UBN2: variants seen among roughly 807,000 people sequenced by gnomAD.
The protein encoded by UBN2 is ubinuclein 2, also known as ubinuclein-2.
Under a neutral mutation model 120.2 loss-of-function variants are expected in UBN2, and 35 were observed. That is an observed-to-expected ratio of 0.29 (90% CI 0.22 to 0.39). The LOEUF (loss-of-function observed/expected upper bound fraction) is 0.39. Ranked by LOEUF, UBN2 falls within the 10% of genes least tolerant of loss-of-function variation. The probability of loss-of-function intolerance (pLI) is 1.00; values close to 1 mark genes in which losing one functional copy is unlikely to be tolerated. For synonymous variants in UBN2, 661 were observed against 648.7 expected, an observed-to-expected ratio of 1.02 and a Z score of -0.29; for missense variants, 1,693 against 1,663.2, an observed-to-expected ratio of 1.02 and a Z score of -0.31.
Position 139,284,223 on chromosome 7 carries a change from TAACAGCCCAGTCCATA to T in UBN2, c.3330_3345del (p.His1111GlufsTer2). 6.2e-7 allele frequency: 1 copy of T among 1,614,096 alleles called. No homozygotes were observed. The highest frequency in any genetic ancestry group is 8.5e-7 in the Non-Finnish European group (1 of 1,180,028). ...TTGCCCAGGGTAGCCACTCCAGCAC[TAACAGCCCAGTCCATA>T]AACAGCCCAGTGGAATGAACATCAG... is the stretch of plus-strand genomic sequence containing the variant. On this transcript the variant is annotated frameshift_variant, in exon 15 of 18. Transcript: ENST00000473989. LOFTEE classifies it high-confidence loss of function.
chr7:139,248,674 G>A (rs754818252), intron 2 of UBN2, among the ~76,000 whole-genome samples: 3 of 151,588 alleles, frequency 2.0e-5, no homozygotes, highest in African/African-American at 7.3e-5. Flanking sequence ...AAAATATTTC[G>A]TATGTGGCAG....
chr7:139,318,197 G>A, the UBN2 span, among the ~76,000 whole-genome samples: 81 of 152,216 alleles, frequency 5.3e-4, no homozygotes, highest in Middle Eastern at 6.8e-3. Context: ...ATTAACCTCC[G>A]AGCTTGTTTT....
chr7:139,302,212 C>T lies in UBN2; in HGVS notation c.*4376C>T, dbSNP rs1015324032. ...GTCAACATCATGTCATGCTGTGTAA[C>T]CCTCTTCCTTTGCTTTCTATGTATA... is the stretch of plus-strand genomic sequence containing the variant. On this transcript the variant is annotated 3_prime_UTR_variant, in exon 18 of 18. Transcript: ENST00000473989. 6.6e-6 allele frequency: 1 copy of T among 152,100 alleles called. No homozygotes were observed. The highest frequency in any genetic ancestry group is 2.4e-5 in the African/African-American group (1 of 41,402). The allele number at this position is 152,100 out of a possible 1,614,324, so 9.4% of individuals were successfully genotyped here. A position where few individuals can be genotyped will look rare whatever the true frequency, so the allele number is the denominator to read the frequency against.
chr7:139,316,103 A>G, the UBN2 span, among the ~76,000 whole-genome samples: 1 of 138,962 alleles, frequency 7.2e-6, no homozygotes, highest in Middle Eastern at 3.8e-3. Context: ...AAAAAAAAAA[A>G]AAAAGGGGTT....
At position 139,273,039 on chromosome 7, in the gene UBN2, T is replaced by C. The variant is rs930318338; in HGVS notation, c.1716-258T>C. ...GGTGAGAGATTTCACAACCCCAGCT[T>C]GACTGACTGTGGTTGAACACAAGTG... On this transcript the variant is annotated intron_variant, in intron 9 of 17. Coordinates refer to ENST00000473989, the MANE Select transcript of UBN2 (RefSeq NM_173569.4). Among the ~76,000 whole-genome samples, 4 of 152,220 alleles carry C rather than the reference T, an allele frequency of 2.6e-5. No homozygotes were observed. In the East Asian group the frequency reaches 7.7e-4, roughly 29 times the overall value.
At chr7:139,275,411 G>A (rs917874610) in intron 11 of UBN2, among the ~76,000 whole-genome samples, 4 of 149,800 alleles carry the variant, frequency 2.7e-5, no homozygotes, top group Admixed American at 1.3e-4. Flanking sequence ...GTGAAACCCC[G>A]TCTCTACTAA....
intron 17 of UBN2, among the ~76,000 whole-genome samples, chr7:139,294,558 C>T (rs1346361085): frequency 6.6e-6 from 1 of 152,144 alleles, no homozygotes; most frequent in Non-Finnish European, 1.5e-5. Context: ...TAATATGATC[C>T]TGCCAGGCAC....
intron 15 of UBN2, among the ~76,000 whole-genome samples, chr7:139,291,360 CAAA>C (rs774759708): frequency 4.6e-5 from 2 of 43,418 alleles, no homozygotes; most frequent in African/African-American, 1.7e-4. Flanking sequence ...GACTCTGTCT[CAAA>C]AAAAAAAAAA....
In UBN2 at chr7:139,231,831, C is replaced by G; in HGVS notation, c.347C>G (p.Ala116Gly). 1 of 1,520,474 alleles carries G rather than the reference C, an allele frequency of 6.6e-7. No individual in the cohort carries two copies. Among genetic ancestry groups the G allele is most frequent in the East Asian group, 2.8e-5 (1 of 36,110 alleles). The allele number at this position is 1,520,474 out of a possible 1,614,324, so 94.2% of individuals were successfully genotyped here. A position where few individuals can be genotyped will look rare whatever the true frequency, so the allele number is the denominator to read the frequency against. ...CCGCCGCGGGAGTCGGCTTCCCGGG[C>G]TGAGCAGCCGCCGCGGCCGCCGAGG... ...PPPPRESASR[A>G]EQPPRPPRET... Residue 116 changes from alanine (A) to glycine (G), a missense_variant, in exon 1 of 18, where the codon GCT becomes GGT. Physicochemically the swap from Ala to Gly is moderately conservative, Grantham distance 60 (BLOSUM62 0). This residue lies in a region of UBN2 where 663 missense variants were observed against 591.2 expected (regional missense o/e 1.12). Transcript: ENST00000473989.
downstream of UBN2, among the ~76,000 whole-genome samples, chr7:139,309,982 A>C (rs1386186877): frequency 1.3e-5 from 2 of 152,202 alleles, no homozygotes; most frequent in African/African-American, 4.8e-5. Context: ...ATATATTTTC[A>C]ATGAACCTGG....
Position 139,273,914 on chromosome 7 carries a change from AT to A in UBN2, c.1830-13del, listed in dbSNP as rs1185724708. On this transcript the variant is annotated splice_polypyrimidine_tract_variant and intron_variant, in intron 10 of 17. Transcript: ENST00000473989. ...TCTTCTAAAAAAAGTTTCAAATTTA[AT>A]TTTCAATCTGTTTAGAACTTTGTTA... The A allele has an allele frequency of 7.0e-6, 11 of 1,560,472 alleles. No individual in the cohort carries two copies. Among genetic ancestry groups the A allele is most frequent in the Non-Finnish European group, 8.6e-6 (10 of 1,159,288 alleles).
chr7:139,252,008 T>C lies in UBN2; in HGVS notation c.614T>C (p.Ile205Thr), dbSNP rs764841119. ...GATCGGCTACAAGATTTAATTGATA[T>C]AGGCTTTGGCTATGATGAGACAGAT... is the stretch of plus-strand genomic sequence containing the variant. ...RKDRLQDLID[I>T]GFGYDETDPF... The change falls in exon 3 of 18, where the codon ATA (isoleucine) becomes ACA (threonine). Residue 205 changes from isoleucine (I) to threonine (T), a missense_variant. By Grantham distance (89) the Ile-to-Thr change is moderately conservative (BLOSUM62 -1). This residue lies in a region of UBN2 where 663 missense variants were observed against 591.2 expected (regional missense o/e 1.12). Coordinates refer to ENST00000473989, the MANE Select transcript of UBN2 (RefSeq NM_173569.4). 9.9e-6 allele frequency: 16 copies of C among 1,614,040 alleles called. No homozygotes were observed. Among genetic ancestry groups the C allele is most frequent in the Admixed American group, 3.3e-5 (2 of 60,000 alleles).
the UBN2 span, among the ~76,000 whole-genome samples, chr7:139,316,378 A>T: frequency 5.9e-5 from 9 of 152,192 alleles, no homozygotes; most frequent in African/African-American, 2.2e-4. Flanking sequence ...AGAACTTTGT[A>T]TGTCTGAAAG....
At chr7:139,309,338 A>G (rs967720194), downstream of UBN2, among the ~76,000 whole-genome samples, 1 of 152,192 alleles carries the variant, frequency 6.6e-6, no homozygotes. Flanking sequence ...TAAAAAAGAC[A>G]TGGACCTCAT....
chr7:139,297,655 A>T (rs939416454), intron 17 of UBN2, 132 bp from the exon 18 acceptor site: 20 of 759,644 alleles, frequency 2.6e-5, no homozygotes, highest in Non-Finnish European at 4.5e-5. Flanking sequence ...GGCATGCAAG[A>T]TATTAAAAGT....
At chr7:139,245,087 C>T (rs1336628547) in intron 2 of UBN2, among the ~76,000 whole-genome samples, 1 of 149,918 alleles carries the variant, frequency 6.7e-6, no homozygotes, top group East Asian at 2.0e-4. Flanking sequence ...GCACGCATCA[C>T]CATGCCCAGC....
At chr7:139,264,833 C>T (rs191385238) in intron 6 of UBN2, among the ~76,000 whole-genome samples, 52 of 152,216 alleles carry the variant, frequency 3.4e-4, no homozygotes, top group Middle Eastern at 6.8e-3. Flanking sequence ...ATGATCCACC[C>T]GCTTGGCCTG....
downstream of UBN2, among the ~76,000 whole-genome samples, chr7:139,312,531 C>T (rs759697942): frequency 6.6e-6 from 1 of 152,178 alleles, no homozygotes; most frequent in East Asian, 1.9e-4. Flanking sequence ...CTTTGCTCAT[C>T]GTGCAATTGC....
intron 2 of UBN2, among the ~76,000 whole-genome samples, chr7:139,249,751 G>A (rs1024182383): frequency 2.6e-5 from 4 of 152,036 alleles, no homozygotes; most frequent in African/African-American, 9.7e-5. Context: ...TGTCACCCAG[G>A]TTGGAGTGCA....
Sources: gnomAD v4.1 joint callset for allele counts (sites outside exome capture counted in the v4.1 genomes callset) on GRCh38, gnomAD v4.1.1 for gene constraint, gnomAD v4.1.1 regional missense constraint, MANE v1.5 for transcripts, NCBI Gene and HGNC (gene_info 2026-07-23, HGNC 2026-07-21) for gene names.